The following MTF1 variants were observed in gnomAD, a reference collection of about 807,000 sequenced individuals.
MTF1 encodes MRE-binding transcription factor.
A neutral mutation model predicts 70.4 loss-of-function variants in MTF1; 22 were observed. The observed-to-expected ratio is 0.31, with a 90% confidence interval of 0.22 to 0.45. MTF1 has a LOEUF of 0.45. MTF1 is among the 20% of genes least tolerant of loss of function. The pLI, the probability that MTF1 is intolerant of heterozygous loss-of-function variation, is 1.00. For missense variants in MTF1, 649 were observed against 922.0 expected (o/e 0.70, Z 3.83); for synonymous variants, 333 against 352.8 (o/e 0.94, Z 0.63).
chr1:37,841,296 G>A (rs1026067645), intron 2 of MTF1: 1 of 154,024 alleles, frequency 6.5e-6, no homozygotes, highest in African/African-American at 2.4e-5. Flanking sequence ...CCTGTTTGGA[G>A]AGGCCACTAG....
At chr1:37,841,111 C>T (rs568204881) in intron 2 of MTF1, 1 of 166,118 alleles carries the variant, frequency 6.0e-6, no homozygotes, top group South Asian at 1.4e-4. Flanking sequence ...GGTCACCTCT[C>T]GAGGATGAGC....
intron 7 of MTF1, chr1:37,826,580 C>A (rs1425965463): frequency 2.2e-6 from 1 of 455,404 alleles, no homozygotes; most frequent in Admixed American, 2.4e-5. Context: ...GCTGATGATT[C>A]TCTTCTACGT....
At chr1:37,846,258 TCAGCATACTATGGGAATATACCAAA>T (rs759731486) in intron 2 of MTF1, among the ~76,000 whole-genome samples, 16 of 152,100 alleles carry the variant, frequency 1.1e-4, no homozygotes, top group Non-Finnish European at 2.2e-4. Context: ...TAACAGATAT[TCAGCATACTATGGGAATATACCAAA>T]GAAACATGTA....
rs776108397 is a variant in MTF1, at chr1:37,823,835, T to C, written c.1069-23A>G. The C allele has an allele frequency of 4.5e-6, 7 of 1,549,260 alleles. No homozygotes were observed. The African/African-American group carries it at 9.5e-5, about 21-fold the overall frequency. ...GGTCTGATGGAGAGAGACAAAGATG[T>C]GAGATTGGCCATCTTGAGACAATTC... is the stretch of plus-strand genomic sequence containing the variant. On this transcript the variant is annotated intron_variant, in intron 7 of 10. Transcript: ENST00000373036.
intron 2 of MTF1, among the ~76,000 whole-genome samples, chr1:37,851,062 T>C (rs1057168259): frequency 6.6e-6 from 1 of 152,220 alleles, no homozygotes; most frequent in Admixed American, 6.5e-5. Context: ...AAGTGGATTT[T>C]AATGCCAAAA....
intron 3 of MTF1, among the ~76,000 whole-genome samples, chr1:37,839,075 A>G (rs1418207467): frequency 6.6e-6 from 1 of 152,110 alleles, no homozygotes; most frequent in African/African-American, 2.4e-5. Context: ...AAGTGCTGGG[A>G]TAACAGGCAT....
chr1:37,825,811 A>G (rs1002033193), intron 7 of MTF1, among the ~76,000 whole-genome samples: 29 of 151,972 alleles, frequency 1.9e-4, no homozygotes, highest in Admixed American at 1.3e-4. Flanking sequence ...TTTTCTTAAC[A>G]TTTTTTTTTT....
chr1:37,824,815 TAAAC>T (rs534129060), intron 7 of MTF1, among the ~76,000 whole-genome samples: 60 of 152,276 alleles, frequency 3.9e-4, no homozygotes, highest in African/African-American at 1.2e-3. Context: ...TGCATGGTAA[TAAAC>T]AAGACAACAA....
In MTF1 at chr1:37,822,387, C is replaced by G. The variant is rs764537139; in HGVS notation, c.1501G>C (p.Val501Leu). The G allele has an allele frequency of 6.2e-6, 10 of 1,614,014 alleles. No individual in the cohort carries two copies. The East Asian group carries it at 2.2e-4, about 36-fold the overall frequency. Residue 501 changes from valine to leucine, a missense_variant, in exon 9 of 11, where the codon GTT becomes CTT. By Grantham distance (32) the Val-to-Leu change is conservative. Coordinates refer to ENST00000373036, the MANE Select transcript of MTF1 (RefSeq NM_005955.3). The stretch of plus-strand genomic sequence containing the variant: ...GCTGATGCAGAAGCCCCAGCAACAA[C>G]AGAAAGTCCTGGTACAATGGGCTGC... Reference protein sequence around the residue: ...APQPIVPGLSVVAGASASAAA... With the variant: ...APQPIVPGLSLVAGASASAAA...
chr1:37,853,643 CCT>C (rs1246667399), intron 2 of MTF1, among the ~76,000 whole-genome samples: 1 of 152,164 alleles, frequency 6.6e-6, no homozygotes, highest in African/African-American at 2.4e-5. Context: ...TCATGCTGTT[CCT>C]CTCTCTTGGA....
chr1:37,834,274 C>T (rs1436616713), intron 6 of MTF1, among the ~76,000 whole-genome samples: 1 of 151,840 alleles, frequency 6.6e-6, no homozygotes, highest in East Asian at 1.9e-4. Flanking sequence ...AGCAACCAGG[C>T]CAGAATGTGT....
rs138397545 is a variant in MTF1 at position 37,815,374 on chromosome 1, G to C, written c.2024C>G (p.Ala675Gly). The C allele has an allele frequency of 3.7e-6, 6 of 1,614,172 alleles. No individual in the cohort carries two copies. The highest frequency in any genetic ancestry group is 2.2e-5 in the South Asian group (2 of 91,088). ...APDGPSLQLP[A>G]QTFSSAPVPG... is the part of the protein sequence containing the mutation. ...AACAGGGGCTGAAGAGAAAGTCTGC[G>C]CTGGGAGCTGCAGGCTGGGCCCATC... is the stretch of plus-strand genomic sequence containing the variant. The change falls in exon 11 of 11, where the codon GCG (alanine) becomes GGG (glycine). Residue 675 changes from alanine (A) to glycine (G), a missense_variant. This residue lies in a region of MTF1 where 138 missense variants were observed against 134.4 expected (regional missense o/e 1.03). Coordinates refer to ENST00000373036, the MANE Select transcript of MTF1 (RefSeq NM_005955.3). This position sits in a 1 kb window ranked among gnomAD's most constrained non-coding sequence, Gnocchi z 4.5.
intron 9 of MTF1, among the ~76,000 whole-genome samples, chr1:37,820,617 GT>G (rs1472289510): frequency 6.6e-6 from 1 of 152,234 alleles, no homozygotes; most frequent in Non-Finnish European, 1.5e-5. Flanking sequence ...GGAGAGGGAA[GT>G]GGTAGAAGGG....
At chr1:37,849,426 A>C (rs1641381091) in intron 2 of MTF1, among the ~76,000 whole-genome samples, 1 of 151,508 alleles carries the variant, frequency 6.6e-6, no homozygotes, top group Non-Finnish European at 1.5e-5. Context: ...CCTTCACCTC[A>C]ATTAAAAAAA....
intron 2 of MTF1, among the ~76,000 whole-genome samples, chr1:37,845,430 G>C (rs1292810567): frequency 6.6e-6 from 1 of 152,192 alleles, no homozygotes; most frequent in African/African-American, 2.4e-5. Flanking sequence ...AGGAGAGAAA[G>C]AGAGGGGAGG....
chr1:37,846,373 A>G (rs1192236392), intron 2 of MTF1, among the ~76,000 whole-genome samples: 2 of 144,112 alleles, frequency 1.4e-5, no homozygotes, highest in Non-Finnish European at 3.0e-5. Context: ...CAGCTGGGTG[A>G]TGGAGTGAGA....
At chr1:37,850,678 G>A (rs1234539908) in intron 2 of MTF1, among the ~76,000 whole-genome samples, 1 of 152,102 alleles carries the variant, frequency 6.6e-6, no homozygotes, top group Non-Finnish European at 1.5e-5. Flanking sequence ...AATGACCAGC[G>A]GCCTTGTGGT....
rs546227266 is a variant in MTF1 at position 37,835,604 on chromosome 1, C to T, written c.853+67G>A. ...TCTATATCTCTGTATATCCACCTAG[C>T]TCTACAGGTCTCAATGGAAAATTGA... On this transcript the variant is annotated intron_variant, in intron 5 of 10. Transcript: ENST00000373036. The T allele has an allele frequency of 1.2e-5, 14 of 1,157,926 alleles. No homozygotes were observed. In the South Asian group the frequency reaches 1.2e-4, roughly 10 times the overall value. The allele number at this position is 1,157,926 out of a possible 1,614,324, so 71.7% of individuals were successfully genotyped here. A position where few individuals can be genotyped will look rare whatever the true frequency, so the allele number is the denominator to read the frequency against.
At chr1:37,846,835 A>C (rs951889960) in intron 2 of MTF1, among the ~76,000 whole-genome samples, 2 of 152,174 alleles carry the variant, frequency 1.3e-5, no homozygotes, top group Admixed American at 6.6e-5. Context: ...TGAAAGTGAG[A>C]AGCAGATTTT....
Sources: gnomAD v4.1 joint callset for allele counts (sites outside exome capture counted in the v4.1 genomes callset) on GRCh38, gnomAD v4.1.1 for gene constraint, gnomAD v4.1.1 regional missense constraint, Gnocchi (gnomAD v3.1) non-coding constraint, MANE v1.5 for transcripts, NCBI Gene and HGNC (gene_info 2026-07-23, HGNC 2026-07-21) for gene names.